SEMA3E: variants seen among roughly 807,000 people sequenced by gnomAD.
SEMA3E encodes semaphorin-3E.
SEMA3E carries 49 observed loss-of-function variants against 93.6 expected under a neutral mutation model. The ratio of observed to expected loss-of-function variants is 0.52; its 90% CI spans 0.42 to 0.66. SEMA3E has a LOEUF of 0.66. SEMA3E is among the 30% of genes least tolerant of loss of function. SEMA3E has a pLI of 0.00. For missense variants in SEMA3E, 906 were observed against 964.8 expected, an observed-to-expected ratio of 0.94 and a Z score of 0.81; for synonymous variants, 363 against 330.7, an observed-to-expected ratio of 1.10 and a Z score of -1.06.
intron 4 of SEMA3E, among the ~76,000 whole-genome samples, chr7:83,444,317 A>C (rs1424255345): frequency 6.6e-6 from 1 of 152,134 alleles, no homozygotes; most frequent in Non-Finnish European, 1.5e-5. Flanking sequence ...TTTGTTGGAG[A>C]GTAGAGTCAT....
At chr7:83,545,302 A>G (rs899186157) in intron 1 of SEMA3E, among the ~76,000 whole-genome samples, 1 of 151,960 alleles carries the variant, frequency 6.6e-6, no homozygotes, top group Non-Finnish European at 1.5e-5. Flanking sequence ...TCTTAAATCA[A>G]CTAAACTCCT....
At chr7:83,482,712 T>C (rs1297854267) in intron 2 of SEMA3E, among the ~76,000 whole-genome samples, 1 of 152,032 alleles carries the variant, frequency 6.6e-6, no homozygotes, top group Non-Finnish European at 1.5e-5. Flanking sequence ...TGCCTACTCT[T>C]AGGGACCCAT....
At chr7:83,597,813 A>T (rs1260024690) in intron 1 of SEMA3E, among the ~76,000 whole-genome samples, 1 of 152,210 alleles carries the variant, frequency 6.6e-6, no homozygotes, top group Admixed American at 6.5e-5. Flanking sequence ...TAATACTCAC[A>T]GTACTACCCC....
chr7:83,482,005 C>T (rs913583191), intron 2 of SEMA3E, among the ~76,000 whole-genome samples: 2 of 152,074 alleles, frequency 1.3e-5, no homozygotes, highest in African/African-American at 4.8e-5. Context: ...TCAAAAAGTA[C>T]CACTATTTAG....
intron 1 of SEMA3E, among the ~76,000 whole-genome samples, chr7:83,610,210 C>T (rs116653673): frequency 0.01 from 1,537 of 152,040 alleles, 24 homozygotes; most frequent in African/African-American, 0.035. Context: ...CCAATCTATC[C>T]TGTCTTTCTA....
rs570902068 is a variant in SEMA3E at position 83,567,683 on chromosome 7, A to T, written c.116-77409T>A. Among the ~76,000 whole-genome samples the T allele has an allele frequency of 9.3e-4, 142 of 152,208 alleles. 1 individual carries two copies. In the Middle Eastern group the frequency reaches 0.01, roughly 11 times the overall value. On this transcript the variant is annotated intron_variant, in intron 1 of 16. Coordinates refer to ENST00000643230, the MANE Select transcript of SEMA3E (RefSeq NM_012431.3). ...ATTGAGTCAAAGAAAAAACTTAAAAAATTTTTTTAAATATTATTGAAGCAA... is the reference window on the plus strand; with the variant it reads ...ATTGAGTCAAAGAAAAAACTTAAAATATTTTTTTAAATATTATTGAAGCAA...
chr7:83,582,531 C>T (rs1792535894), intron 1 of SEMA3E, among the ~76,000 whole-genome samples: 7 of 151,978 alleles, frequency 4.6e-5, no homozygotes, highest in Admixed American at 3.9e-4. Flanking sequence ...ACAGTTGCAC[C>T]TCTAATCAAG....
intron 2 of SEMA3E, 48 bp from the exon 3 acceptor site, chr7:83,469,350 A>G (rs1422443746): frequency 1.5e-6 from 2 of 1,316,030 alleles, no homozygotes; most frequent in South Asian, 1.2e-5. Context: ...TATAAAAATA[A>G]ACCACACTGA....
intron 4 of SEMA3E, among the ~76,000 whole-genome samples, chr7:83,425,868 T>TA (rs1788759612): frequency 6.6e-6 from 1 of 152,088 alleles, no homozygotes; most frequent in Non-Finnish European, 1.5e-5. Flanking sequence ...CCAGAATCTA[T>TA]AAGGAACTTA....
intron 4 of SEMA3E, among the ~76,000 whole-genome samples, chr7:83,436,045 T>C (rs1314832495): frequency 6.6e-6 from 1 of 152,134 alleles, no homozygotes; most frequent in African/African-American, 2.4e-5. Flanking sequence ...TATGATTTAA[T>C]TGTTTATGTG....
At chr7:83,455,088 T>C (rs1387279652) in intron 4 of SEMA3E, among the ~76,000 whole-genome samples, 1 of 152,206 alleles carries the variant, frequency 6.6e-6, no homozygotes, top group East Asian at 1.9e-4. Context: ...ATCAAAACCA[T>C]ACACTGAAAA....
In SEMA3E at chr7:83,589,280, CTT is replaced by C. The variant is rs369633720; in HGVS notation, c.115+59146_115+59147del. 2.1e-3 allele frequency among the ~76,000 whole-genome samples: 322 copies of C among 152,224 alleles called. 1 individual carries two copies. The highest frequency in any genetic ancestry group is 7.4e-3 in the African/African-American group (308 of 41,536). Reference sequence around the variant, plus strand: ...TTATTCCTTTTTTTTACACTCCTCTCTTGTTTCTTCAGAGTGAGTTTCTTTCC... The same window carrying C: ...TTATTCCTTTTTTTTACACTCCTCTCGTTTCTTCAGAGTGAGTTTCTTTCC... On this transcript the variant is annotated intron_variant, in intron 1 of 16. Coordinates refer to ENST00000643230, the MANE Select transcript of SEMA3E (RefSeq NM_012431.3).
Position 83,402,868 on chromosome 7 carries a change from T to C in SEMA3E, c.999-92A>G, listed in dbSNP as rs1788258028. 12 of 1,300,232 alleles carry C rather than the reference T, an allele frequency of 9.2e-6. No homozygotes were observed. The South Asian group carries it at 1.5e-4, about 16-fold the overall frequency. 80.5% of individuals were successfully genotyped at this position (1,300,232 alleles called of 1,614,324 possible). A position where few individuals can be genotyped will look rare whatever the true frequency, so the allele number is the denominator to read the frequency against. On this transcript the variant is annotated intron_variant, in intron 9 of 16. Transcript: ENST00000643230. ...AGCCTACAAAGATAAGAGTCAAGTCTTTTGGGTAAAGTGGTTGCAATTTCT... is the reference window on the plus strand; with the variant it reads ...AGCCTACAAAGATAAGAGTCAAGTCCTTTGGGTAAAGTGGTTGCAATTTCT...
rs940331795 is a variant in SEMA3E, at chr7:83,411,130, G to C, written c.551-2643C>G. On this transcript the variant is annotated intron_variant, in intron 5 of 16. Coordinates refer to ENST00000643230, the MANE Select transcript of SEMA3E (RefSeq NM_012431.3). ...TTTGGAACATTGTTTCAAAATTATC[G>C]TTTTAACCAATGCTATAAAATTAAC... Among the ~76,000 whole-genome samples, 3 of 151,894 alleles carry C rather than the reference G, an allele frequency of 2.0e-5. 1 individual carries two copies. The South Asian group carries it at 6.2e-4, about 32-fold the overall frequency.
intron 4 of SEMA3E, among the ~76,000 whole-genome samples, chr7:83,426,455 C>A (rs2115726384): frequency 6.6e-6 from 1 of 152,206 alleles, no homozygotes; most frequent in African/African-American, 2.4e-5. Context: ...TTATCCTAAG[C>A]AAATTAATGT....
Position 83,366,806 on chromosome 7 carries a change from T to A in SEMA3E, c.*780A>T, listed in dbSNP as rs1794676368. 6.6e-6 allele frequency: 1 copy of A among 152,120 alleles called. No homozygotes were observed. 9.4% of individuals were successfully genotyped at this position (152,120 alleles called of 1,614,324 possible). ...AAAAAGAAATGTGTGAGAATATAAT[T>A]TTTTTTACCACAAGAGGGAAGCAAA... On this transcript the variant is annotated 3_prime_UTR_variant, in exon 17 of 17. Transcript: ENST00000643230.
chr7:83,390,060 C>CGTATGTGTAT (rs1787979131), intron 14 of SEMA3E, among the ~76,000 whole-genome samples: 4 of 39,040 alleles, frequency 1.0e-4, no homozygotes, highest in East Asian at 7.8e-4. Context: ...TATACGTGTG[C>CGTATGTGTAT]ACATATATGC....
intron 1 of SEMA3E, among the ~76,000 whole-genome samples, chr7:83,537,299 T>G (rs1791426913): frequency 6.6e-6 from 1 of 152,192 alleles, no homozygotes; most frequent in Non-Finnish European, 1.5e-5. Context: ...ATTTAAACAA[T>G]TTTTTAATAT....
chr7:83,384,613 G>A (rs1010778974), intron 16 of SEMA3E, among the ~76,000 whole-genome samples: 2 of 151,850 alleles, frequency 1.3e-5, no homozygotes, highest in Non-Finnish European at 2.9e-5. Context: ...TTATGCCCTG[G>A]ACTCTTTCTA....
Sources: gnomAD v4.1 joint callset for allele counts (sites outside exome capture counted in the v4.1 genomes callset) on GRCh38, gnomAD v4.1.1 for gene constraint, MANE v1.5 for transcripts, NCBI Gene and HGNC (gene_info 2026-07-23, HGNC 2026-07-21) for gene names.